THRAP3: variants seen among roughly 807,000 people sequenced by gnomAD.
THRAP3 encodes the protein thyroid hormone receptor associated protein 3.
Under a neutral mutation model 101.0 loss-of-function variants are expected in THRAP3, and 16 were observed. The ratio of observed to expected loss-of-function variants is 0.16; its 90% CI spans 0.11 to 0.24. The LOEUF is 0.24. THRAP3 is among the 10% of genes least tolerant of loss of function. The probability of loss-of-function intolerance (pLI) is 1.00; values close to 1 mark genes in which losing one functional copy is unlikely to be tolerated. For synonymous variants in THRAP3, 407 were observed against 422.6 expected, an observed-to-expected ratio of 0.96 and a Z score of 0.45; for missense variants, 989 against 1,202.7, an observed-to-expected ratio of 0.82 and a Z score of 2.63.
chr1:36,233,461 G>A (rs1645051570), intron 1 of THRAP3, among the ~76,000 whole-genome samples: 6 of 151,420 alleles, frequency 4.0e-5, no homozygotes, highest in Admixed American at 2.0e-4. Flanking sequence ...AACGGAGATC[G>A]TGTGACTGCA....
chr1:36,208,452 T>A, the THRAP3 span, among the ~76,000 whole-genome samples: 4 of 151,284 alleles, frequency 2.6e-5, no homozygotes, highest in Admixed American at 2.6e-4. Context: ...CTCATCTCCA[T>A]CTCACCCCAA....
intron 1 of THRAP3, among the ~76,000 whole-genome samples, chr1:36,229,477 TTA>T (rs929481335): frequency 1.3e-5 from 2 of 151,784 alleles, no homozygotes; most frequent in African/African-American, 4.8e-5. Flanking sequence ...TGTAGAAATT[TTA>T]GTTTCTTTTT....
chr1:36,271,975 C>A (rs1183620486), intron 2 of THRAP3, among the ~76,000 whole-genome samples: 1 of 152,090 alleles, frequency 6.6e-6, no homozygotes, highest in Non-Finnish European at 1.5e-5. Context: ...AGTAATTCAC[C>A]CCCTTTGGCT....
Position 36,289,346 on chromosome 1 carries a change from G to A in THRAP3, c.1327G>A (p.Glu443Lys), listed in dbSNP as rs1645835666. 1 of 1,614,122 alleles carries A rather than the reference G, an allele frequency of 6.2e-7. No homozygotes were observed. Among genetic ancestry groups the A allele is most frequent in the Non-Finnish European group, 8.5e-7 (1 of 1,180,030 alleles). ...TAAGGACAAAGCTAAGGGAAGAAAG[G>A]AATCTGAGTTTGATGATGAACCCAA... ...QDKDKAKGRK[E>K]SEFDDEPKFM... The change falls in exon 5 of 12, where the codon GAA becomes AAA. Residue 443 changes from glutamate (E) to lysine (K), a missense_variant. Physicochemically the swap from Glu to Lys is moderately conservative, Grantham distance 56 (BLOSUM62 1). Coordinates refer to ENST00000354618, the MANE Select transcript of THRAP3 (RefSeq NM_005119.4).
At chr1:36,278,062 C>CTT (rs57646478) in intron 2 of THRAP3, among the ~76,000 whole-genome samples, 1 of 110,710 alleles carries the variant, frequency 9.0e-6, no homozygotes, top group African/African-American at 3.3e-5. Context: ...CCCAGCCCCC[C>CTT]TTTTTTTTTT....
intron 1 of THRAP3, among the ~76,000 whole-genome samples, chr1:36,231,882 G>T (rs1645032054): frequency 6.6e-6 from 1 of 152,094 alleles, no homozygotes; most frequent in Admixed American, 6.6e-5. Flanking sequence ...AGTGATTGAG[G>T]AATTGGTCAG....
intron 1 of THRAP3, among the ~76,000 whole-genome samples, chr1:36,258,150 GT>G (rs1490612812): frequency 9.9e-5 from 15 of 152,062 alleles, no homozygotes; most frequent in African/African-American, 2.9e-4. Flanking sequence ...GGAATAGGTT[GT>G]TTTTTAAATT....
intron 8 of THRAP3, among the ~76,000 whole-genome samples, chr1:36,295,062 A>G (rs1645927397): frequency 6.6e-6 from 1 of 152,078 alleles, no homozygotes; most frequent in Non-Finnish European, 1.5e-5. Context: ...CGTCTCTACT[A>G]AAAATACAAA....
chr1:36,254,414 CTG>C (rs1352291470), intron 1 of THRAP3, among the ~76,000 whole-genome samples: 1 of 152,208 alleles, frequency 6.6e-6, no homozygotes, highest in African/African-American at 2.4e-5. Context: ...ACACTTCACA[CTG>C]TGCCTTAAAA....
the THRAP3 span, among the ~76,000 whole-genome samples, chr1:36,213,995 AAGG>A: frequency 1.2e-5 from 1 of 85,186 alleles, no homozygotes; most frequent in East Asian, 3.1e-4. Context: ...GAAAGAAAGA[AAGG>A]AAAGAAAGAA....
chr1:36,265,334 G>T (rs912921657), intron 2 of THRAP3, among the ~76,000 whole-genome samples: 1 of 152,054 alleles, frequency 6.6e-6, no homozygotes, highest in Admixed American at 6.6e-5. Context: ...TAATCTTTTT[G>T]ACTTTACTCT....
rs142335948 is a variant in THRAP3 at position 36,273,411 on chromosome 1, G to A, written c.-31-9122G>A. On this transcript the variant is annotated intron_variant, in intron 2 of 11. Coordinates refer to ENST00000354618, the MANE Select transcript of THRAP3 (RefSeq NM_005119.4). ...CATTATAAAAATAGTCAACAAAGTA[G>A]AAGGGAATTTCCTCAATATGATAAA... Among the ~76,000 whole-genome samples, 224 of 152,286 alleles carry A rather than the reference G, an allele frequency of 1.5e-3. 1 individual carries two copies. Among genetic ancestry groups the A allele is most frequent in the African/African-American group, 5.2e-3 (217 of 41,552 alleles).
intron 1 of THRAP3, among the ~76,000 whole-genome samples, chr1:36,243,829 A>AC (rs1330948646): frequency 2.5e-5 from 3 of 118,258 alleles, no homozygotes; most frequent in East Asian, 2.8e-4. Context: ...CGGGGGGCTG[A>AC]CCCCCACACC....
intron 2 of THRAP3, among the ~76,000 whole-genome samples, chr1:36,279,288 C>G (rs1362969101): frequency 1.3e-5 from 2 of 151,598 alleles, no homozygotes; most frequent in Non-Finnish European, 2.9e-5. Context: ...TATTTCTGAC[C>G]CAAGTTAAAA....
the THRAP3 span, among the ~76,000 whole-genome samples, chr1:36,218,817 G>A: frequency 2.0e-5 from 3 of 151,868 alleles, no homozygotes; most frequent in African/African-American, 4.8e-5. Flanking sequence ...GGTGGATCAC[G>A]AGGTCAGGAG....
At chr1:36,252,874 G>A (rs1020425916) in intron 1 of THRAP3, among the ~76,000 whole-genome samples, 1 of 146,750 alleles carries the variant, frequency 6.8e-6, no homozygotes, top group Admixed American at 6.9e-5. Context: ...GCCACTGCAC[G>A]CCAGCCTGGG....
At chr1:36,208,498 T>A in the THRAP3 span, among the ~76,000 whole-genome samples, 1 of 151,970 alleles carries the variant, frequency 6.6e-6, no homozygotes, top group Non-Finnish European at 1.5e-5. Flanking sequence ...ACTATCTCCA[T>A]CACCCCTCTG....
upstream of THRAP3, among the ~76,000 whole-genome samples, chr1:36,221,031 C>T (rs1456711061): frequency 8.4e-6 from 1 of 118,442 alleles, no homozygotes; most frequent in East Asian, 2.5e-4. Context: ...ATAATTTTTA[C>T]AATTTTAGCT....
chr1:36,236,377 T>C (rs1222955436), intron 1 of THRAP3, among the ~76,000 whole-genome samples: 1 of 152,188 alleles, frequency 6.6e-6, no homozygotes, highest in South Asian at 2.1e-4. Flanking sequence ...TACATAGATA[T>C]AGGACATTTC....
Sources: gnomAD v4.1 joint callset for allele counts (sites outside exome capture counted in the v4.1 genomes callset) on GRCh38, gnomAD v4.1.1 for gene constraint, MANE v1.5 for transcripts, NCBI Gene and HGNC (gene_info 2026-07-23, HGNC 2026-07-21) for gene names.